DENND6A: variants seen among roughly 807,000 people sequenced by gnomAD.
DENND6A encodes the protein protein DENND6A.
A neutral mutation model predicts 95.5 loss-of-function variants in DENND6A; 43 were observed. The ratio of observed to expected loss-of-function variants is 0.45; its 90% confidence interval spans 0.35 to 0.58. DENND6A has a LOEUF of 0.58. Ranked by LOEUF, DENND6A falls within the 20% of genes least tolerant of loss-of-function variation. The pLI is 0.00. For synonymous variants in DENND6A, 257 were observed against 260.4 expected (o/e 0.99, Z 0.13); for missense variants, 574 against 736.0 (o/e 0.78, Z 2.55).
chr3:57,672,162 T>C (rs2071628772), intron 3 of DENND6A, 94 bp downstream of exon 3: 1 of 1,179,300 alleles, frequency 8.5e-7, no homozygotes, highest in African/African-American at 1.6e-5. Context: ...GTTTGCAATC[T>C]AATATGCTAT....
chr3:57,676,017 G>A (rs1024805563), intron 1 of DENND6A, among the ~76,000 whole-genome samples: 1 of 151,810 alleles, frequency 6.6e-6, no homozygotes, highest in East Asian at 1.9e-4. Context: ...AGGCTGCAGC[G>A]AGCCAAGATC....
intron 9 of DENND6A, among the ~76,000 whole-genome samples, chr3:57,656,088 T>C (rs2071319196): frequency 6.6e-6 from 1 of 152,190 alleles, no homozygotes; most frequent in South Asian, 2.1e-4. Flanking sequence ...GTTTTAAAAG[T>C]CACATTTATA....
chr3:57,645,598 A>G (rs2071061667), intron 11 of DENND6A, 63 bp downstream of exon 11: 4 of 1,251,264 alleles, frequency 3.2e-6, no homozygotes, highest in African/African-American at 1.5e-5. Flanking sequence ...ATTACCAAAA[A>G]TAATTCTACA....
At chr3:57,642,771 C>T (rs1442381458) in intron 11 of DENND6A, among the ~76,000 whole-genome samples, 1 of 151,878 alleles carries the variant, frequency 6.6e-6, no homozygotes, top group Non-Finnish European at 1.5e-5. Context: ...TTGGGAAGGC[C>T]GAGGTGGGCA....
chr3:57,638,129 A>G (rs975626742), intron 12 of DENND6A, among the ~76,000 whole-genome samples: 1 of 151,992 alleles, frequency 6.6e-6, no homozygotes, highest in Non-Finnish European at 1.5e-5. Flanking sequence ...CCAAGACTCC[A>G]TCTCAAAAAA....
rs35245886 is a variant in DENND6A at position 57,681,621 on chromosome 3, TAAAAA to T, written c.238-9188_238-9184del. The stretch of plus-strand genomic sequence containing the variant: ...CCTAGGCAACAGAGCAAGACCCTGT[TAAAAA>T]AAAAAAAAAAAGAAAGAAAGAAAGA... On this transcript the variant is annotated intron_variant, in intron 1 of 19. Coordinates refer to ENST00000311128, the MANE Select transcript of DENND6A (RefSeq NM_152678.3). 1.0e-4 allele frequency among the ~76,000 whole-genome samples: 12 copies of T among 119,658 alleles called. No homozygotes were observed. In the East Asian group the frequency reaches 1.6e-3, roughly 16 times the overall value. 78.5% of individuals were successfully genotyped at this position (119,658 alleles called of 152,430 possible). A position where few individuals can be genotyped will look rare whatever the true frequency, so the allele number is the denominator to read the frequency against.
intron 9 of DENND6A, among the ~76,000 whole-genome samples, chr3:57,654,069 T>C (rs2153414932): frequency 7.0e-6 from 1 of 142,164 alleles, no homozygotes; most frequent in Non-Finnish European, 1.5e-5. Context: ...TGCCTCAGCC[T>C]CCCAAGTAGC....
At chr3:57,672,512 G>A (rs915873097) in intron 1 of DENND6A, 74 bp from the exon 2 acceptor site, 2 of 1,472,010 alleles carry the variant, frequency 1.4e-6, no homozygotes, top group East Asian at 2.5e-5. Context: ...GCCAGGCACG[G>A]TGGCTCACGC....
At chr3:57,677,023 C>G (rs189769557) in intron 1 of DENND6A, among the ~76,000 whole-genome samples, 11 of 152,226 alleles carry the variant, frequency 7.2e-5, no homozygotes, top group South Asian at 2.1e-4. Flanking sequence ...AGGGTTTCAC[C>G]ATGTTGGCTA....
At chr3:57,667,989 A>G (rs1248990953) in intron 3 of DENND6A, among the ~76,000 whole-genome samples, 1 of 151,846 alleles carries the variant, frequency 6.6e-6, no homozygotes, top group African/African-American at 2.4e-5. Flanking sequence ...TTTCTTGAAC[A>G]CAGTAGGCAG....
At chr3:57,634,408 G>T (rs189425238) in intron 14 of DENND6A, 150 bp downstream of exon 14, 73 of 352,642 alleles carry the variant, frequency 2.1e-4, no homozygotes, top group Non-Finnish European at 4.4e-5. Context: ...ACTCCAGCCT[G>T]GGTGATAGAG....
intron 1 of DENND6A, among the ~76,000 whole-genome samples, chr3:57,676,888 A>G (rs1271635379): frequency 6.6e-6 from 1 of 151,864 alleles, no homozygotes; most frequent in Non-Finnish European, 1.5e-5. Flanking sequence ...CAATGGTGTG[A>G]TCTCAGCTCA....
chr3:57,633,435 G>T, intron 14 of DENND6A, 81 bp from the exon 15 acceptor site: 1 of 1,128,180 alleles, frequency 8.9e-7, no homozygotes, highest in Non-Finnish European at 1.3e-6. Flanking sequence ...CAATTGCTAT[G>T]TAAATATACA....
chr3:57,645,253 G>T (rs767819181), intron 11 of DENND6A, among the ~76,000 whole-genome samples: 1 of 151,998 alleles, frequency 6.6e-6, no homozygotes, highest in South Asian at 2.1e-4. Flanking sequence ...ACAAAGTCAG[G>T]AATTCGAGAT....
intron 8 of DENND6A, 70 bp from the exon 9 acceptor site, chr3:57,657,805 T>A (rs2071356162): frequency 2.1e-6 from 2 of 958,626 alleles, no homozygotes; most frequent in African/African-American, 3.3e-5. Context: ...AATATATCTA[T>A]CTCATGATCA....
chr3:57,660,580 T>G (rs1559820139), intron 7 of DENND6A, among the ~76,000 whole-genome samples, 180 bp downstream of exon 7: 1 of 152,114 alleles, frequency 6.6e-6, no homozygotes, highest in Non-Finnish European at 1.5e-5. Flanking sequence ...TGTTGGTGCA[T>G]GCCTGTGGTC....
chr3:57,630,656 T>C, intron 17 of DENND6A, 59 bp downstream of exon 17: 2 of 1,564,032 alleles, frequency 1.3e-6, no homozygotes, highest in Non-Finnish European at 1.7e-6. Context: ...GTTTAGCTTT[T>C]TGTTTTGCTT....
intron 8 of DENND6A, among the ~76,000 whole-genome samples, chr3:57,658,066 C>T (rs2071360656): frequency 6.6e-6 from 1 of 151,928 alleles, no homozygotes; most frequent in African/African-American, 2.4e-5. Context: ...GAAATCCCAT[C>T]TCTACTAAAA....
At position 57,661,459 on chromosome 3, in the gene DENND6A, A is replaced by G; in HGVS notation, c.606T>C (p.Pro202=). ...TGTTAAACTTACCTGCTTCCAAATA[A>G]GGTTCATTCTTTTCAAAATACTCTG... ...IAPEYFEKNE[P]YLEAACNDVD... Residue 202 remains proline (P), a synonymous_variant, in exon 6 of 20, where the codon CCT becomes CCC. Coordinates refer to ENST00000311128, the MANE Select transcript of DENND6A (RefSeq NM_152678.3). 2 of 1,566,388 alleles carry G rather than the reference A, an allele frequency of 1.3e-6. No individual in the cohort carries two copies. Among genetic ancestry groups the G allele is most frequent in the Non-Finnish European group, 1.7e-6 (2 of 1,167,614 alleles).
Sources: allele counts gnomAD v4.1 joint callset (sites outside exome capture counted in the v4.1 genomes callset), GRCh38; gene constraint gnomAD v4.1.1; transcripts MANE v1.5; gene names NCBI Gene and HGNC (gene_info 2026-07-23, HGNC 2026-07-21).